The following ZFHX3 variants were observed in gnomAD, a reference collection of about 807,000 sequenced individuals.
ZFHX3 encodes zinc finger homeobox protein 3.
In ZFHX3, 42 loss-of-function variants were observed where a neutral mutation model predicts 279.1. That is an observed-to-expected ratio of 0.15 (90% CI 0.12 to 0.19). The LOEUF (loss-of-function observed/expected upper bound fraction) is 0.19. ZFHX3 is among the 10% of genes least tolerant of loss of function. The pLI is 1.00. For missense variants in ZFHX3, 4,981 were observed against 4,754.0 expected (o/e 1.05, Z -1.40); for synonymous variants, 2,293 against 1,957.8 (o/e 1.17, Z -4.52).
intron 9 of ZFHX3, among the ~76,000 whole-genome samples, chr16:72,792,243 G>A (rs989477927): frequency 1.3e-5 from 2 of 152,118 alleles, no homozygotes; most frequent in African/African-American, 2.4e-5. Flanking sequence ...GTGATCAGGA[G>A]CAAGGAAAAG....
chr16:73,504,484 C>T (rs977286195), intron 2 of ZFHX3: 1 of 151,898 alleles, frequency 6.6e-6, no homozygotes, highest in African/African-American at 2.4e-5. Context: ...GGAGTGTGTG[C>T]AAAAACATGG....
chr16:73,166,882 G>A (rs1332867939), intron 5 of ZFHX3, among the ~76,000 whole-genome samples: 1 of 152,182 alleles, frequency 6.6e-6, no homozygotes, highest in African/African-American at 2.4e-5. Context: ...TGAGATAAAA[G>A]TGCCATCTGA....
chr16:73,159,414 A>C (rs1967172550), intron 5 of ZFHX3, among the ~76,000 whole-genome samples: 1 of 152,178 alleles, frequency 6.6e-6, no homozygotes, highest in South Asian at 2.1e-4. Flanking sequence ...CTAAGGTGAC[A>C]CAAACCCAAA....
At chr16:73,068,992 C>T (rs929408389) in intron 8 of ZFHX3, among the ~76,000 whole-genome samples, 1 of 152,218 alleles carries the variant, frequency 6.6e-6, no homozygotes, top group African/African-American at 2.4e-5. Flanking sequence ...CGCAACTGCA[C>T]AAGGGGGAAG....
At chr16:73,675,714 A>G (rs1024402971) in intron 2 of ZFHX3, among the ~76,000 whole-genome samples, 1 of 152,158 alleles carries the variant, frequency 6.6e-6, no homozygotes, top group Non-Finnish European at 1.5e-5. Flanking sequence ...AAGAATGACC[A>G]TTATCAAGGC....
intron 1 of ZFHX3, among the ~76,000 whole-genome samples, chr16:73,775,763 G>A (rs1959228596): frequency 6.6e-6 from 1 of 152,192 alleles, no homozygotes; most frequent in Non-Finnish European, 1.5e-5. Context: ...TAAGGCAGGT[G>A]TAGGGGCTTT....
chr16:72,866,446 G>C (rs1321881458), intron 4 of ZFHX3, among the ~76,000 whole-genome samples: 1 of 152,184 alleles, frequency 6.6e-6, no homozygotes, highest in African/African-American at 2.4e-5. Flanking sequence ...TTTTGTGCAT[G>C]TGCATTCATG....
At chr16:73,019,207 T>C (rs1460894668) in intron 1 of ZFHX3, among the ~76,000 whole-genome samples, 2 of 152,236 alleles carry the variant, frequency 1.3e-5, no homozygotes, top group African/African-American at 4.8e-5. Context: ...CCTGATGCTG[T>C]TGAAACTGCC....
At chr16:73,836,771 T>TG (rs1961153623) in intron 1 of ZFHX3, among the ~76,000 whole-genome samples, 1 of 152,268 alleles carries the variant, frequency 6.6e-6, no homozygotes, top group Non-Finnish European at 1.5e-5. Context: ...GTAATGTGGT[T>TG]GGGAGTGGTG....
chr16:73,550,449 G>A (rs978295394), intron 2 of ZFHX3, among the ~76,000 whole-genome samples: 3 of 152,122 alleles, frequency 2.0e-5, no homozygotes, highest in East Asian at 3.9e-4. Flanking sequence ...GAGAACGCCC[G>A]CCGTCCCTGT....
intron 5 of ZFHX3, among the ~76,000 whole-genome samples, chr16:73,186,613 A>G (rs893115111): frequency 7.9e-5 from 12 of 151,834 alleles, no homozygotes; most frequent in African/African-American, 7.3e-5. Context: ...TTATGCATCA[A>G]AGAACTTGGC....
intron 3 of ZFHX3, among the ~76,000 whole-genome samples, chr16:73,403,489 C>T (rs1366082481): frequency 1.3e-5 from 2 of 152,190 alleles, no homozygotes; most frequent in Admixed American, 1.3e-4. Context: ...ACGTTTGTAC[C>T]TTTTCTTGTG....
chr16:73,697,189 G>C (rs933511937), intron 1 of ZFHX3, among the ~76,000 whole-genome samples: 2 of 150,362 alleles, frequency 1.3e-5, no homozygotes, highest in African/African-American at 4.9e-5. Flanking sequence ...CATGGCATTA[G>C]GAAAACATCT....
At chr16:73,550,143 T>TC (rs2020181769) in intron 2 of ZFHX3, among the ~76,000 whole-genome samples, 1 of 152,040 alleles carries the variant, frequency 6.6e-6, no homozygotes, top group African/African-American at 2.4e-5. Flanking sequence ...TGAGGCCAGG[T>TC]CCCCCAGGAG....
At chr16:73,685,235 C>T (rs1027794741) in intron 1 of ZFHX3, among the ~76,000 whole-genome samples, 1 of 151,858 alleles carries the variant, frequency 6.6e-6, no homozygotes, top group African/African-American at 2.4e-5. Flanking sequence ...CCCAGATGGT[C>T]TTGATCTCCT....
intron 1 of ZFHX3, among the ~76,000 whole-genome samples, chr16:72,965,896 C>T (rs1397460276): frequency 6.6e-6 from 1 of 152,116 alleles, no homozygotes; most frequent in Non-Finnish European, 1.5e-5. Flanking sequence ...GTAAGAAAAC[C>T]CACATAAAAT....
At chr16:73,114,960 T>C (rs1428729038) in intron 7 of ZFHX3, among the ~76,000 whole-genome samples, 1 of 152,054 alleles carries the variant, frequency 6.6e-6, no homozygotes, top group Non-Finnish European at 1.5e-5. Flanking sequence ...GCCTAGCTGA[T>C]TGCAATTTCT....
chr16:73,420,833 A>C (rs1046199993), intron 3 of ZFHX3: 1 of 152,154 alleles, frequency 6.6e-6, no homozygotes. Flanking sequence ...GTTGTCTATG[A>C]CTCAAATTAC....
At chr16:73,017,540 G>A (rs1424887166) in intron 1 of ZFHX3, among the ~76,000 whole-genome samples, 2 of 152,104 alleles carry the variant, frequency 1.3e-5, no homozygotes, top group Non-Finnish European at 2.9e-5. Flanking sequence ...CCCCACCAAT[G>A]TCTTGGCTGC....
Sources: gnomAD v4.1 joint callset for allele counts (sites outside exome capture counted in the v4.1 genomes callset) on GRCh38, gnomAD v4.1.1 for gene constraint, MANE v1.5 for transcripts, NCBI Gene and HGNC (gene_info 2026-07-23, HGNC 2026-07-21) for gene names.